FAM221A: variants seen among roughly 807,000 people sequenced by gnomAD.
FAM221A encodes protein FAM221A.
A neutral mutation model predicts 37.6 loss-of-function variants in FAM221A; 43 were observed. That is an observed-to-expected ratio of 1.15 (90% CI 0.90 to 1.48). The LOEUF (loss-of-function observed/expected upper bound fraction) is 1.48. FAM221A is among the 40% of genes most tolerant of loss of function. The pLI, the probability that FAM221A is intolerant of heterozygous loss-of-function variation, is 0.00. For synonymous variants in FAM221A, 135 were observed against 132.9 expected (o/e 1.02, Z -0.11); for missense variants, 361 against 361.5 (o/e 1.00, Z 0.01).
At chr7:23,701,171 A>G (rs73079096) in intron 6 of FAM221A, among the ~76,000 whole-genome samples, 8,528 of 150,892 alleles carry the variant, frequency 0.057, 299 homozygotes, top group East Asian at 0.13. Flanking sequence ...TTCTTTTTTT[A>G]TACATGTACC....
chr7:23,701,460 G>C lies in FAM221A; in HGVS notation c.828+592G>C, dbSNP rs546352327. Among the ~76,000 whole-genome samples the C allele has an allele frequency of 7.6e-4, 116 of 151,920 alleles. No individual in the cohort carries two copies. In the Middle Eastern group the frequency reaches 0.01, roughly 13 times the overall value. On this transcript the variant is annotated intron_variant, in intron 6 of 6. Transcript: ENST00000344962. ...TTCACTGTGTTAGCCAGGATGGTCT[G>C]GATCTCCTGACCTCGTGATCCACCC...
In FAM221A at chr7:23,698,234, T is replaced by C. The variant is rs2128049617; in HGVS notation, c.680T>C (p.Val227Ala). The C allele has an allele frequency of 6.3e-7, 1 of 1,599,460 alleles. No homozygotes were observed. Among genetic ancestry groups the C allele is most frequent in the Non-Finnish European group, 8.5e-7 (1 of 1,171,870 alleles). ...VEFLESPITA[V>A]DSPFLKAFQA... ...TTTTTAGAATCTCCCATTACGGCAG[T>C]AGACAGCCCATTCCTAAAAGCATTT... Residue 227 changes from valine (V) to alanine (A), a missense_variant, in exon 5 of 7, where the codon GTA becomes GCA. Coordinates refer to ENST00000344962, the MANE Select transcript of FAM221A (RefSeq NM_199136.5).
chr7:23,684,677 G>A lies in FAM221A; in HGVS notation c.239+5G>A, dbSNP rs756762053. ...ACTGTGTTTTTGTACACATAGGTAA[G>A]ATACTTTATTGCAAAGTTTTTTGAT... On this transcript the variant is annotated splice_donor_5th_base_variant and intron_variant, in intron 2 of 6. Transcript: ENST00000344962. The A allele has an allele frequency of 6.3e-7, 1 of 1,578,406 alleles. No homozygotes were observed. Among genetic ancestry groups the A allele is most frequent in the South Asian group, 1.2e-5 (1 of 85,134 alleles).
chr7:23,701,370 G>A (rs1446726566), intron 6 of FAM221A, among the ~76,000 whole-genome samples: 1 of 151,186 alleles, frequency 6.6e-6, no homozygotes, highest in Non-Finnish European at 1.5e-5. Context: ...CTCCCGAGTA[G>A]CTGGGACCAC....
chr7:23,698,063 A>AG, intron 4 of FAM221A, 129 bp from the exon 5 acceptor site: 1 of 612,020 alleles, frequency 1.6e-6, no homozygotes, highest in Non-Finnish European at 2.8e-6. Context: ...CCCAGTCTAA[A>AG]ATTTTTTTTT....
intron 4 of FAM221A, chr7:23,694,338 T>C (rs1259925714): frequency 1.3e-5 from 2 of 152,206 alleles, no homozygotes; most frequent in African/African-American, 2.4e-5. Flanking sequence ...TTTGATATGG[T>C]AAATTCCTCC....
At chr7:23,687,786 G>A (rs1021746085) in intron 2 of FAM221A, 2 of 151,744 alleles carry the variant, frequency 1.3e-5, no homozygotes, top group African/African-American at 4.8e-5. Context: ...TGGGACTACA[G>A]GCATACACCA....
intron 4 of FAM221A, chr7:23,693,680 C>CT (rs927412839): frequency 1.3e-5 from 2 of 151,278 alleles, no homozygotes; most frequent in Admixed American, 6.6e-5. Context: ...TATTTTAATA[C>CT]TTTTTTATGT....
At chr7:23,696,063 C>T (rs547482134) in intron 4 of FAM221A, among the ~76,000 whole-genome samples, 3 of 152,154 alleles carry the variant, frequency 2.0e-5, no homozygotes, top group Admixed American at 2.0e-4. Flanking sequence ...GTTATGTGAA[C>T]ATCATAGAGT....
intron 4 of FAM221A, among the ~76,000 whole-genome samples, chr7:23,697,164 A>G (rs1239616212): frequency 6.6e-6 from 1 of 152,208 alleles, no homozygotes; most frequent in African/African-American, 2.4e-5. Flanking sequence ...AGGGCAGCAC[A>G]AGGACGTGCG....
intron 3 of FAM221A, among the ~76,000 whole-genome samples, chr7:23,690,199 A>ATATATATATATATATATATATTTT (rs774313037): frequency 2.1e-5 from 1 of 48,740 alleles, no homozygotes; most frequent in Non-Finnish European, 3.6e-5. Context: ...ATATATATAT[A>ATATATATATATATATATATATTTT]TTTTTTTTTT....
chr7:23,688,639 CTT>C (rs748780946), intron 2 of FAM221A: 19 of 140,968 alleles, frequency 1.3e-4, no homozygotes, highest in Non-Finnish European at 1.6e-4. Flanking sequence ...TTTTTCTTTT[CTT>C]TTTTTTTTTT....
At chr7:23,684,737 C>A (rs1169313176) in intron 2 of FAM221A, 65 bp downstream of exon 2, 1 of 1,369,042 alleles carries the variant, frequency 7.3e-7, no homozygotes, top group South Asian at 1.4e-5. Flanking sequence ...TATCTTACTT[C>A]TACAAATCGT....
intron 1 of FAM221A, among the ~76,000 whole-genome samples, chr7:23,682,011 G>C (rs1784070324): frequency 6.6e-6 from 1 of 152,126 alleles, no homozygotes; most frequent in Non-Finnish European, 1.5e-5. Context: ...CCTGACCAGT[G>C]TCCTGGCATC....
intron 3 of FAM221A, among the ~76,000 whole-genome samples, chr7:23,690,970 C>T (rs1410101740): frequency 6.6e-6 from 1 of 152,166 alleles, no homozygotes; most frequent in Non-Finnish European, 1.5e-5. Context: ...TATTGCTGAG[C>T]AAGATTACAC....
chr7:23,682,158 T>A (rs889787970), intron 1 of FAM221A, among the ~76,000 whole-genome samples: 2 of 150,994 alleles, frequency 1.3e-5, no homozygotes, highest in Non-Finnish European at 3.0e-5. Context: ...CTTGACCTCC[T>A]GAGCTGAAGC....
rs555551189 is a variant in FAM221A, at chr7:23,702,410, G to A, written c.*246G>A. ...AAATGAGGTTATTTTATATGAGTCT[G>A]TCTGAGAGTACAGTAAATGTTTTTA... On this transcript the variant is annotated 3_prime_UTR_variant, in exon 7 of 7. Coordinates refer to ENST00000344962, the MANE Select transcript of FAM221A (RefSeq NM_199136.5). 112 of 259,316 alleles carry A rather than the reference G, an allele frequency of 4.3e-4. No homozygotes were observed. Among genetic ancestry groups the A allele is most frequent in the African/African-American group, 2.1e-3 (95 of 44,886 alleles). The allele number at this position is 259,316 out of a possible 1,614,324, so 16.1% of individuals were successfully genotyped here.
At position 23,701,340 on chromosome 7, in the gene FAM221A, C is replaced by T. The variant is rs370950409; in HGVS notation, c.828+472C>T. ...CTGCAAGCTCCGCCTCCCGGGTTCA[C>T]GCCATTCTCCTGCTTCAGCCTCCCG... is the stretch of plus-strand genomic sequence containing the variant. On this transcript the variant is annotated intron_variant, in intron 6 of 6. Coordinates refer to ENST00000344962, the MANE Select transcript of FAM221A (RefSeq NM_199136.5). Among the ~76,000 whole-genome samples, 9 of 150,314 alleles carry T rather than the reference C, an allele frequency of 6.0e-5. No individual in the cohort carries two copies. The East Asian group carries it at 7.9e-4, about 13-fold the overall frequency.
rs184608124 is a variant in FAM221A at position 23,700,493 on chromosome 7, G to A, written c.746-293G>A. On this transcript the variant is annotated intron_variant, in intron 5 of 6. Coordinates refer to ENST00000344962, the MANE Select transcript of FAM221A (RefSeq NM_199136.5). ...TAACATGGATTTCTAGTTATAAAAT[G>A]TAAAAAGTAGTTGGACAAAACTAAG... Among the ~76,000 whole-genome samples, 430 of 152,280 alleles carry A rather than the reference G, an allele frequency of 2.8e-3. 6 individuals are homozygous for A. Among genetic ancestry groups the A allele is most frequent in the South Asian group, 0.017 (83 of 4,826 alleles).
Sources: allele counts gnomAD v4.1 joint callset (sites outside exome capture counted in the v4.1 genomes callset), GRCh38; gene constraint gnomAD v4.1.1; transcripts MANE v1.5; gene names NCBI Gene and HGNC (gene_info 2026-07-23, HGNC 2026-07-21).